PAQR6: variants seen among roughly 807,000 people sequenced by gnomAD.
PAQR6 encodes membrane progestin receptor delta.
Under a neutral mutation model 36.2 loss-of-function variants are expected in PAQR6, and 34 were observed. That is an observed-to-expected ratio of 0.94 (90% CI 0.71 to 1.25). The LOEUF is 1.25. Ranked by LOEUF, PAQR6 falls within the 50% of genes most tolerant of loss-of-function variation. The pLI, the probability that PAQR6 is intolerant of heterozygous loss-of-function variation, is 0.00. For missense variants in PAQR6, 431 were observed against 445.7 expected, an observed-to-expected ratio of 0.97 and a Z score of 0.30; for synonymous variants, 190 against 190.7, an observed-to-expected ratio of 1.00 and a Z score of 0.03.
intron 1 of PAQR6, 117 bp from the exon 2 acceptor site, chr1:156,246,873 C>T: frequency 1.2e-6 from 1 of 822,018 alleles, no homozygotes; most frequent in South Asian, 1.8e-5. Flanking sequence ...CACCCTCCCT[C>T]CTGGAGCTGC....
chr1:156,247,112 C>CA (rs938154041), intron 1 of PAQR6, among the ~76,000 whole-genome samples: 4 of 152,210 alleles, frequency 2.6e-5, no homozygotes, highest in African/African-American at 7.2e-5. Context: ...GAGGCCAGCA[C>CA]AGAGACAGCC....
intron 2 of PAQR6, 40 bp downstream of exon 2, chr1:156,246,641 G>A (rs1474743714): frequency 1.2e-6 from 2 of 1,606,954 alleles, no homozygotes; most frequent in Non-Finnish European, 1.7e-6. Context: ...CAGTCCTCTA[G>A]GGAATGGGGG....
chr1:156,244,496 A>G, intron 7 of PAQR6, 93 bp from the exon 8 acceptor site: 3 of 1,393,834 alleles, frequency 2.2e-6, no homozygotes, highest in Non-Finnish European at 1.9e-6. Context: ...ATTGAGAATA[A>G]GAAACCCTGA....
At position 156,244,269 on chromosome 1, in the gene PAQR6, C is replaced by G; in HGVS notation, c.895G>C (p.Val299Leu). The G allele has an allele frequency of 6.2e-7, 1 of 1,613,600 alleles. No individual in the cohort carries two copies. Among genetic ancestry groups the G allele is most frequent in the Admixed American group, 1.7e-5 (1 of 60,028 alleles). Residue 299 changes from valine (V) to leucine (L), a missense_variant, in exon 8 of 8, where the codon GTG (valine) becomes CTG (leucine). Transcript: ENST00000292291. ...GCTGCAGCCAAGACCAGTGTGGCCA[C>G]TGTGCCTGCCAGGCCCAGGGCAGGT... is the stretch of plus-strand genomic sequence containing the variant. ...QEPALGLAGT[V>L]ATLVLAAAGN...
intron 4 of PAQR6, 23 bp downstream of exon 4, chr1:156,245,759 G>T (rs1660332357): frequency 1.3e-6 from 2 of 1,574,864 alleles, no homozygotes; most frequent in Non-Finnish European, 1.7e-6. Flanking sequence ...CAGACCCCGC[G>T]CTCCCGCGCC....
chr1:156,245,268 C>A, intron 5 of PAQR6, 30 bp from the exon 6 acceptor site: 1 of 1,588,070 alleles, frequency 6.3e-7, no homozygotes, highest in Non-Finnish European at 8.6e-7. Context: ...GGCCGGTCAC[C>A]ATCGCTGTGC....
At chr1:156,246,441 C>G (rs1291384912) in intron 2 of PAQR6, among the ~76,000 whole-genome samples, 191 bp from the exon 3 acceptor site, 1 of 152,074 alleles carries the variant, frequency 6.6e-6, no homozygotes, top group Admixed American at 6.6e-5. Context: ...AACCGAAGAG[C>G]CAGATTGGGG....
At chr1:156,244,477 C>T in intron 7 of PAQR6, 74 bp from the exon 8 acceptor site, 1 of 1,416,870 alleles carries the variant, frequency 7.1e-7, no homozygotes, top group Non-Finnish European at 9.3e-7. Context: ...GCCTGCTACT[C>T]CCCCATAAAT....
At position 156,245,139 on chromosome 1, in the gene PAQR6, T is replaced by G; in HGVS notation, c.609+3A>C. ...TCTGGGCAGGGGCCCTAGGCCTCCT[T>G]ACCCGATAAAAGAGTGGGAGGTTGT... is the stretch of plus-strand genomic sequence containing the variant. On this transcript the variant is annotated splice_donor_region_variant and intron_variant, in intron 6 of 7. Transcript: ENST00000292291. 1 of 1,612,820 alleles carries G rather than the reference T, an allele frequency of 6.2e-7. No individual in the cohort carries two copies. The highest frequency in any genetic ancestry group is 8.5e-7 in the Non-Finnish European group (1 of 1,179,090).
rs34246510 is a variant in PAQR6, at chr1:156,247,964, TTGGTGGGTGCTCCTAAGC to T, written c.-51_-34del. Reference sequence around the variant, plus strand: ...GAAGGTGAGCTTCCTTACCCAGAGCTTGGTGGGTGCTCCTAAGCTGGTGGGTCAACAGGCCCAGGGCTC... The same window carrying T: ...GAAGGTGAGCTTCCTTACCCAGAGCTTGGTGGGTCAACAGGCCCAGGGCTC... On this transcript the variant is annotated 5_prime_UTR_variant, in exon 1 of 8. Transcript: ENST00000292291. 145 of 461,658 alleles carry T rather than the reference TTGGTGGGTGCTCCTAAGC, an allele frequency of 3.1e-4. 1 individual carries two copies. The highest frequency in any genetic ancestry group is 2.6e-3 in the African/African-American group (129 of 49,984). The allele number at this position is 461,658 out of a possible 1,614,324, so 28.6% of individuals were successfully genotyped here. A position where few individuals can be genotyped will look rare whatever the true frequency, so the allele number is the denominator to read the frequency against.
Position 156,248,004 on chromosome 1 carries a change from G to A in PAQR6, c.-73C>T, listed in dbSNP as rs1415211570. On this transcript the variant is annotated 5_prime_UTR_variant, in exon 1 of 8. Coordinates refer to ENST00000292291, the MANE Select transcript of PAQR6 (RefSeq NM_198406.3). The stretch of plus-strand genomic sequence containing the variant: ...AAGCTGGTGGGTCAACAGGCCCAGG[G>A]CTCCACGGGCGGAGTCCAAGGCTGC... 2.2e-6 allele frequency: 1 copy of A among 464,266 alleles called. No individual in the cohort carries two copies. The highest frequency in any genetic ancestry group is 4.5e-6 in the Non-Finnish European group (1 of 223,784). 28.8% of individuals were successfully genotyped at this position (464,266 alleles called of 1,614,324 possible).
In PAQR6 at chr1:156,243,435, T is replaced by C; in HGVS notation, c.*694A>G. ...GAAAGTGCTTTCCAAAGTTTTATTT[T>C]TTTATTTGTACCTGCCTTGTTCCAG... On this transcript the variant is annotated 3_prime_UTR_variant, in exon 8 of 8. Coordinates refer to ENST00000292291, the MANE Select transcript of PAQR6 (RefSeq NM_198406.3). The C allele has an allele frequency of 2.0e-6, 1 of 511,736 alleles. No homozygotes were observed. The highest frequency in any genetic ancestry group is 3.4e-6 in the Non-Finnish European group (1 of 297,306). 31.7% of individuals were successfully genotyped at this position (511,736 alleles called of 1,614,324 possible).
intron 1 of PAQR6, among the ~76,000 whole-genome samples, chr1:156,247,033 A>G (rs1297592930): frequency 6.6e-6 from 1 of 151,948 alleles, no homozygotes; most frequent in African/African-American, 2.4e-5. Flanking sequence ...CCCAGCCGGG[A>G]GGCTGCCTCA....
At chr1:156,244,583 T>G in intron 7 of PAQR6, 178 bp downstream of exon 7, 8 of 1,436,344 alleles carry the variant, frequency 5.6e-6, no homozygotes, top group Non-Finnish European at 6.5e-6. Flanking sequence ...TTTTGCTACC[T>G]GAGAAGTGGC....
intron 1 of PAQR6, among the ~76,000 whole-genome samples, 167 bp from the exon 2 acceptor site, chr1:156,246,923 C>T (rs1252570672): frequency 6.6e-6 from 1 of 152,144 alleles, no homozygotes; most frequent in Non-Finnish European, 1.5e-5. Context: ...CTTCCCCAGC[C>T]CTTGCACCAC....
Position 156,244,544 on chromosome 1 carries a change from G to A in PAQR6, c.761-141C>T. The A allele has an allele frequency of 2.9e-6, 4 of 1,359,360 alleles. 1 individual carries two copies. The South Asian group carries it at 6.0e-5, about 21-fold the overall frequency. 84.2% of individuals were successfully genotyped at this position (1,359,360 alleles called of 1,614,324 possible). On this transcript the variant is annotated intron_variant, in intron 7 of 7. Coordinates refer to ENST00000292291, the MANE Select transcript of PAQR6 (RefSeq NM_198406.3). Reference sequence around the variant, plus strand: ...CTGAAAGGAATGAATGAGCATGTGTGCATGTGGCCCCAGCACACATGCTAC... The same window carrying A: ...CTGAAAGGAATGAATGAGCATGTGTACATGTGGCCCCAGCACACATGCTAC...
Position 156,245,258 on chromosome 1 carries a change from G to T in PAQR6, c.513-20C>A, listed in dbSNP as rs1436475641. On this transcript the variant is annotated intron_variant, in intron 5 of 7. Transcript: ENST00000292291. ...AGGAAACTGGGAGGCGGGAGGAAAA[G>T]GCCGGTCACCATCGCTGTGCTTGGG... 2 of 1,604,080 alleles carry T rather than the reference G, an allele frequency of 1.2e-6. No individual in the cohort carries two copies. Among genetic ancestry groups the T allele is most frequent in the Non-Finnish European group, 1.7e-6 (2 of 1,171,126 alleles).
At chr1:156,246,056 G>A in intron 3 of PAQR6, 67 bp downstream of exon 3, 1 of 1,601,702 alleles carries the variant, frequency 6.2e-7, no homozygotes, top group Non-Finnish European at 8.5e-7. Flanking sequence ...GGGCCTGGAC[G>A]GTCCCTGCCC....
chr1:156,247,947 G>A lies in PAQR6; in HGVS notation c.-26+10C>T, dbSNP rs1393898865. The A allele has an allele frequency of 2.2e-6, 1 of 450,098 alleles. No homozygotes were observed. The allele number at this position is 450,098 out of a possible 1,614,324, so 27.9% of individuals were successfully genotyped here. A position where few individuals can be genotyped will look rare whatever the true frequency, so the allele number is the denominator to read the frequency against. Reference sequence around the variant, plus strand: ...TTCCCAGAAGAGCCCCAGAAGGTGAGCTTCCTTACCCAGAGCTTGGTGGGT... The same window carrying A: ...TTCCCAGAAGAGCCCCAGAAGGTGAACTTCCTTACCCAGAGCTTGGTGGGT... On this transcript the variant is annotated intron_variant, in intron 1 of 7. Transcript: ENST00000292291.
Sources: allele counts gnomAD v4.1 joint callset (sites outside exome capture counted in the v4.1 genomes callset), GRCh38; gene constraint gnomAD v4.1.1; transcripts MANE v1.5; gene names NCBI Gene and HGNC (gene_info 2026-07-23, HGNC 2026-07-21).